MRAP: variants seen among roughly 807,000 people sequenced by gnomAD.
The protein encoded by MRAP is melanocortin 2 receptor accessory protein.
Under a neutral mutation model 8.7 loss-of-function variants are expected in MRAP, and 8 were observed. That is an observed-to-expected ratio of 0.92 (90% CI 0.54 to 1.66). MRAP has a LOEUF of 1.66. Among genes scored for constraint, MRAP ranks in the 40% most tolerant of loss-of-function variants. The pLI, the probability that MRAP is intolerant of heterozygous loss-of-function variation, is 0.00. For missense variants in MRAP, 237 were observed against 217.1 expected, an observed-to-expected ratio of 1.09 and a Z score of -0.58; for synonymous variants, 95 against 95.5, an observed-to-expected ratio of 1.00 and a Z score of 0.03.
At chr21:32,306,594 T>C in intron 1 of MRAP, 46 bp from the exon 2 acceptor site, 1 of 1,545,040 alleles carries the variant, frequency 6.5e-7, no homozygotes. Context: ...AGCGTTGCTT[T>C]ATGTTGACAT....
intron 1 of MRAP, among the ~76,000 whole-genome samples, chr21:32,299,630 G>A (rs916813426): frequency 7.2e-5 from 11 of 152,104 alleles, no homozygotes; most frequent in Admixed American, 1.3e-4. Context: ...CGTGCCTGGC[G>A]AGAATATTCT....
At chr21:32,295,581 G>T (rs924691168), upstream of MRAP, among the ~76,000 whole-genome samples, 1 of 152,134 alleles carries the variant, frequency 6.6e-6, no homozygotes, top group African/African-American at 2.4e-5. Context: ...TGTGTAGGGG[G>T]AGCCCTCTCC....
chr21:32,299,997 G>T (rs1386610505), intron 1 of MRAP, among the ~76,000 whole-genome samples: 1 of 152,160 alleles, frequency 6.6e-6, no homozygotes, highest in African/African-American at 2.4e-5. Flanking sequence ...CAAAAACAAA[G>T]CCTGGGAAGA....
upstream of MRAP, among the ~76,000 whole-genome samples, chr21:32,294,578 AC>A (rs1208703044): frequency 2.0e-5 from 3 of 151,942 alleles, no homozygotes; most frequent in Admixed American, 2.0e-4. Flanking sequence ...TGATGTATAT[AC>A]TCTTGGTATA....
downstream of MRAP, chr21:32,313,786 A>T (rs1190869510): frequency 6.6e-6 from 1 of 152,304 alleles, no homozygotes; most frequent in African/African-American, 2.4e-5. Context: ...TTAAAGGAAC[A>T]GACGGAAATT....
intron 2 of MRAP, among the ~76,000 whole-genome samples, chr21:32,309,971 T>A (rs1184663909): frequency 1.3e-5 from 2 of 151,898 alleles, no homozygotes; most frequent in Admixed American, 1.3e-4. Context: ...GAACTCACAT[T>A]CAATTTAAGC....
At chr21:32,311,383 A>C (rs563759492) in intron 2 of MRAP, 25 of 465,142 alleles carry the variant, frequency 5.4e-5, no homozygotes, top group African/African-American at 4.1e-4. Context: ...ACAGCGCTGG[A>C]TGGGAGGTCA....
intron 1 of MRAP, among the ~76,000 whole-genome samples, chr21:32,305,038 T>C (rs1322462785): frequency 6.8e-6 from 1 of 146,082 alleles, no homozygotes; most frequent in African/African-American, 2.6e-5. Flanking sequence ...ACTGGCGTGA[T>C]CGTAGCTCAC....
intron 2 of MRAP, among the ~76,000 whole-genome samples, chr21:32,307,230 C>T (rs1601105801): frequency 6.6e-6 from 1 of 151,454 alleles, no homozygotes; most frequent in Non-Finnish European, 1.5e-5. Flanking sequence ...GGGGGGAGAG[C>T]GGGGAAGGGG....
At chr21:32,296,872 C>G (rs1462942991), upstream of MRAP, among the ~76,000 whole-genome samples, 1 of 152,040 alleles carries the variant, frequency 6.6e-6, no homozygotes, top group Non-Finnish European at 1.5e-5. Flanking sequence ...TGAGTGAATG[C>G]GAAGGCCTAG....
chr21:32,303,122 G>C (rs1037626821), intron 1 of MRAP, among the ~76,000 whole-genome samples: 20 of 151,780 alleles, frequency 1.3e-4, no homozygotes, highest in Non-Finnish European at 2.9e-4. Flanking sequence ...TGGGATTACA[G>C]GTATGTGCCA....
At chr21:32,313,426 T>C (rs1019922300), downstream of MRAP, 3 of 152,152 alleles carry the variant, frequency 2.0e-5, no homozygotes, top group Non-Finnish European at 4.4e-5. Context: ...CCAGCTTGGA[T>C]CTAAACGTGG....
chr21:32,312,179 G>A lies in MRAP; in HGVS notation c.*183G>A, dbSNP rs1414469226. On this transcript the variant is annotated 3_prime_UTR_variant, in exon 3 of 3. Transcript: ENST00000303645. The stretch of plus-strand genomic sequence containing the variant: ...ATTGCAGTGGCCCCTCGAGTGCAGA[G>A]GTCATCCCAGGTGTTGCTGAGTTTA... The A allele has an allele frequency of 8.0e-6, 12 of 1,504,006 alleles. No individual in the cohort carries two copies. Among genetic ancestry groups the A allele is most frequent in the Non-Finnish European group, 1.1e-5 (12 of 1,130,100 alleles). 93.2% of individuals were successfully genotyped at this position (1,504,006 alleles called of 1,614,324 possible). A position where few individuals can be genotyped will look rare whatever the true frequency, so the allele number is the denominator to read the frequency against.
intron 2 of MRAP, among the ~76,000 whole-genome samples, chr21:32,307,222 G>A (rs1486532675): frequency 1.3e-5 from 2 of 152,124 alleles, no homozygotes; most frequent in Non-Finnish European, 1.5e-5. Flanking sequence ...CTAGGTCTGG[G>A]GGGAGAGCGG....
rs188955951 is a variant in MRAP at position 32,309,483 on chromosome 21, G to A, written c.207-2201G>A. ...TTTTTGTTTTTGAGACAAGAATCTC[G>A]CTGTGTCACCCAGGCTGGAGTGCAG... On this transcript the variant is annotated intron_variant, in intron 2 of 2. Transcript: ENST00000303645. 1.2e-3 allele frequency among the ~76,000 whole-genome samples: 187 copies of A among 150,572 alleles called. 2 individuals are homozygous for A. The highest frequency in any genetic ancestry group is 3.9e-3 in the African/African-American group (160 of 41,022).
chr21:32,297,490 C>T (rs878967254), upstream of MRAP, among the ~76,000 whole-genome samples: 9 of 152,192 alleles, frequency 5.9e-5, no homozygotes, highest in East Asian at 3.9e-4. Flanking sequence ...CTGGATCAGG[C>T]GTGGAAAAAT....
At position 32,306,712 on chromosome 21, in the gene MRAP, T is replaced by A; in HGVS notation, c.179T>A (p.Met60Lys). 1.2e-6 allele frequency: 2 copies of A among 1,614,148 alleles called. No homozygotes were observed. Among genetic ancestry groups the A allele is most frequent in the African/African-American group, 1.3e-5 (1 of 75,042 alleles). ...VVLLFLILLY[M>K]SWSASPQMRN... Reference sequence around the variant, plus strand: ...CTGCTCTTCCTCATCTTGCTCTACATGTCCTGGTCCGCCTCCCCGCAGATG... The same window carrying A: ...CTGCTCTTCCTCATCTTGCTCTACAAGTCCTGGTCCGCCTCCCCGCAGATG... Residue 60 changes from methionine (M) to lysine (K), a missense_variant, in exon 2 of 3, where the codon ATG becomes AAG. By Grantham distance (95) the Met-to-Lys change is moderately conservative. Transcript: ENST00000303645.
intron 1 of MRAP, among the ~76,000 whole-genome samples, chr21:32,302,777 G>T (rs1341366137): frequency 6.6e-6 from 1 of 152,152 alleles, no homozygotes; most frequent in Non-Finnish European, 1.5e-5. Context: ...CTGGAGGGAG[G>T]CTCCTAGAAG....
intron 1 of MRAP, among the ~76,000 whole-genome samples, chr21:32,303,697 G>A (rs1358923579): frequency 6.6e-6 from 1 of 152,252 alleles, no homozygotes; most frequent in African/African-American, 2.4e-5. Context: ...GCTCCCTGTT[G>A]GGAAAACCAG....
Sources: gnomAD v4.1 joint callset for allele counts (sites outside exome capture counted in the v4.1 genomes callset) on GRCh38, gnomAD v4.1.1 for gene constraint, MANE v1.5 for transcripts, NCBI Gene and HGNC (gene_info 2026-07-23, HGNC 2026-07-21) for gene names.